The following COL21A1 variants were observed in gnomAD, a reference collection of about 807,000 sequenced individuals.
COL21A1 encodes collagen alpha-1(XXI) chain.
A neutral mutation model predicts 137.9 loss-of-function variants in COL21A1; 149 were observed. That is an observed-to-expected ratio of 1.08 (90% CI 0.95 to 1.24). COL21A1 has a LOEUF of 1.24. Ranked by LOEUF, COL21A1 falls within the 50% of genes most tolerant of loss-of-function variation. The probability of loss-of-function intolerance (pLI) is 0.00; values close to 1 mark genes in which losing one functional copy is unlikely to be tolerated. For synonymous variants in COL21A1, 456 were observed against 391.5 expected (o/e 1.16, Z -1.95); for missense variants, 1,167 against 1,158.4 (o/e 1.01, Z -0.11).
chr6:56,365,043 G>T (rs544935842), intron 1 of COL21A1, among the ~76,000 whole-genome samples: 1 of 152,200 alleles, frequency 6.6e-6, no homozygotes, highest in Non-Finnish European at 1.5e-5. Flanking sequence ...TACATAACAT[G>T]TCCAGGAAAC....
At chr6:56,222,848 C>A (rs767181761) in intron 1 of COL21A1, among the ~76,000 whole-genome samples, 76 of 152,016 alleles carry the variant, frequency 5.0e-4, no homozygotes, top group Admixed American at 3.3e-3. Flanking sequence ...TTACAGTTTC[C>A]AAAAAACTGA....
chr6:56,125,145 T>C (rs868821286), intron 14 of COL21A1, among the ~76,000 whole-genome samples: 1 of 148,870 alleles, frequency 6.7e-6, no homozygotes. Flanking sequence ...CTTAGCCTCC[T>C]GAGCAGCTGG....
At chr6:56,361,694 T>C (rs1017091327) in intron 1 of COL21A1, among the ~76,000 whole-genome samples, 4 of 151,284 alleles carry the variant, frequency 2.6e-5, no homozygotes, top group African/African-American at 7.3e-5. Flanking sequence ...GATCCAAGCA[T>C]AAAAAAAAAT....
At chr6:56,163,498 C>T (rs1776340080) in intron 9 of COL21A1, among the ~76,000 whole-genome samples, 1 of 152,094 alleles carries the variant, frequency 6.6e-6, no homozygotes, top group South Asian at 2.1e-4. Flanking sequence ...ATCACGAGGT[C>T]AAGAGATCGA....
At chr6:56,090,516 C>T (rs1768701947) in intron 17 of COL21A1, among the ~76,000 whole-genome samples, 1 of 152,072 alleles carries the variant, frequency 6.6e-6, no homozygotes, top group Admixed American at 6.6e-5. Context: ...CACTACATTG[C>T]CAACTGTCAT....
intron 1 of COL21A1, among the ~76,000 whole-genome samples, chr6:56,237,864 A>G (rs1270105989): frequency 6.6e-6 from 1 of 152,174 alleles, no homozygotes; most frequent in Non-Finnish European, 1.5e-5. Context: ...TCTGAGATGT[A>G]TAGTCTAAAA....
chr6:56,378,365 G>C (rs555757344), intron 1 of COL21A1, among the ~76,000 whole-genome samples: 417 of 152,218 alleles, frequency 2.7e-3, no homozygotes, highest in African/African-American at 9.5e-3. Flanking sequence ...ATGAGTCCCA[G>C]GCCAGATAGC....
Position 56,375,121 on chromosome 6 carries a change from A to G in COL21A1, c.-39+18850T>C, listed in dbSNP as rs79084182. On this transcript the variant is annotated intron_variant, in intron 1 of 28. Coordinates refer to the COL21A1 transcript ENST00000370819. ...TGAAAGAAAAGTGAGAGAACGCCAG[A>G]GCCAAAGGGGAAAAAGAGAAAGAAT... Among the ~76,000 whole-genome samples the G allele has an allele frequency of 4.1e-3, 630 of 152,314 alleles. 9 individuals are homozygous for G. The South Asian group carries it at 0.045, about 11-fold the overall frequency.
intron 17 of COL21A1, chr6:56,091,741 T>C (rs1410777539): frequency 6.6e-6 from 1 of 152,202 alleles, no homozygotes; most frequent in East Asian, 1.9e-4. Flanking sequence ...AAAATAGCTA[T>C]GACAAAGCAG....
intron 1 of COL21A1, among the ~76,000 whole-genome samples, chr6:56,326,590 T>G (rs1021680874): frequency 1.3e-5 from 2 of 151,978 alleles, no homozygotes; most frequent in African/African-American, 4.8e-5. Context: ...TGAGATAGCA[T>G]GACAAATCAA....
At chr6:56,318,570 A>AT (rs1764794975) in intron 1 of COL21A1, among the ~76,000 whole-genome samples, 1 of 151,876 alleles carries the variant, frequency 6.6e-6, no homozygotes, top group Admixed American at 6.6e-5. Context: ...TCCCCTGACT[A>AT]CCTCTACCCA....
intron 1 of COL21A1, among the ~76,000 whole-genome samples, chr6:56,301,982 G>C (rs1470117504): frequency 6.6e-6 from 1 of 151,934 alleles, no homozygotes; most frequent in African/African-American, 2.4e-5. Flanking sequence ...TGCGGTGTTT[G>C]GTTTTTTGTC....
chr6:56,283,405 A>G (rs1371690948), intron 1 of COL21A1, among the ~76,000 whole-genome samples: 1 of 152,218 alleles, frequency 6.6e-6, no homozygotes, highest in Non-Finnish European at 1.5e-5. Context: ...AATATTCAGC[A>G]CAAAGCCATC....
intron 1 of COL21A1, among the ~76,000 whole-genome samples, chr6:56,213,750 C>T (rs1044754043): frequency 1.3e-5 from 2 of 151,964 alleles, no homozygotes; most frequent in Non-Finnish European, 2.9e-5. Context: ...ACAGAAGGCA[C>T]ACAAATGTCA....
intron 1 of COL21A1, among the ~76,000 whole-genome samples, chr6:56,296,693 C>T (rs1157242230): frequency 6.6e-6 from 1 of 151,860 alleles, no homozygotes; most frequent in East Asian, 1.9e-4. Context: ...AAGAAATATA[C>T]AAATTCAGGG....
Position 56,070,912 on chromosome 6 carries a change from G to A in COL21A1, c.1966-114C>T, listed in dbSNP as rs192319656. 1.3e-3 allele frequency: 1,070 copies of A among 825,840 alleles called. 15 individuals are homozygous for A. In the South Asian group the frequency reaches 0.013, roughly 10 times the overall value. 51.2% of individuals were successfully genotyped at this position (825,840 alleles called of 1,614,324 possible). A position where few individuals can be genotyped will look rare whatever the true frequency, so the allele number is the denominator to read the frequency against. ...ATAACTTTTACATTTTTAACTTTCC[G>A]ATTGTTTGATAGACTCTGTACATTA... is the stretch of plus-strand genomic sequence containing the variant. On this transcript the variant is annotated intron_variant, in intron 20 of 29. Transcript: ENST00000244728.
chr6:56,302,347 A>C (rs1235292694), intron 1 of COL21A1, among the ~76,000 whole-genome samples: 2 of 152,286 alleles, frequency 1.3e-5, no homozygotes, highest in South Asian at 4.1e-4. Context: ...TCCCACCAAC[A>C]GTGTAAAAGT....
intron 1 of COL21A1, among the ~76,000 whole-genome samples, chr6:56,364,688 G>A (rs2152349076): frequency 6.6e-6 from 1 of 150,572 alleles, no homozygotes; most frequent in Non-Finnish European, 1.5e-5. Context: ...TTCTCCCTCA[G>A]TAAAGACTAC....
intron 1 of COL21A1, among the ~76,000 whole-genome samples, chr6:56,207,104 A>G (rs1290461948): frequency 6.6e-6 from 1 of 152,142 alleles, no homozygotes; most frequent in Non-Finnish European, 1.5e-5. Context: ...TCTAAAATTG[A>G]CACCCTAACA....
Sources: gnomAD v4.1 joint callset for allele counts (sites outside exome capture counted in the v4.1 genomes callset) on GRCh38, gnomAD v4.1.1 for gene constraint, MANE v1.5 for transcripts, NCBI Gene and HGNC (gene_info 2026-07-23, HGNC 2026-07-21) for gene names.